CERS5: variants seen among roughly 807,000 people sequenced by gnomAD.
CERS5 encodes the protein LAG1 homolog, ceramide synthase 5.
Under a neutral mutation model 58.9 loss-of-function variants are expected in CERS5, and 37 were observed. That is an observed-to-expected ratio of 0.63 (90% CI 0.48 to 0.83). CERS5 has a LOEUF of 0.83. CERS5 is among the 40% of genes least tolerant of loss of function. The probability of loss-of-function intolerance (pLI) is 0.00; values close to 1 mark genes in which losing one functional copy is unlikely to be tolerated. For synonymous variants in CERS5, 147 were observed against 177.8 expected, an observed-to-expected ratio of 0.83 and a Z score of 1.38; for missense variants, 398 against 489.3, an observed-to-expected ratio of 0.81 and a Z score of 1.76.
At chr12:50,135,159 AGAGAGG>A (rs1453332174) in intron 8 of CERS5, among the ~76,000 whole-genome samples, 1 of 36,240 alleles carries the variant, frequency 2.8e-5, no homozygotes, top group African/African-American at 1.2e-4. Context: ...AGGGAGGGAG[AGAGAGG>A]GGAGGGAGGG....
At chr12:50,150,254 C>T (rs923966622) in intron 1 of CERS5, among the ~76,000 whole-genome samples, 9 of 152,104 alleles carry the variant, frequency 5.9e-5, no homozygotes, top group African/African-American at 1.7e-4. Context: ...CCAGCTACTG[C>T]GGAGGCTGAG....
At position 50,134,013 on chromosome 12, in the gene CERS5, G is replaced by A. The variant is rs191753067; in HGVS notation, c.1029+533C>T. The A allele has an allele frequency of 5.3e-5, 8 of 149,988 alleles. No homozygotes were observed. The Admixed American group carries it at 5.4e-4, about 10-fold the overall frequency. 9.3% of individuals were successfully genotyped at this position (149,988 alleles called of 1,614,324 possible). On this transcript the variant is annotated intron_variant, in intron 9 of 9. Coordinates refer to ENST00000317551, the MANE Select transcript of CERS5 (RefSeq NM_147190.5). ...CTTGAACCCAGGAGGTGGAGGTTGT[G>A]GTGAGCCAAGATCGTGACATTGCAC...
chr12:50,142,593 G>T (rs183723109), intron 3 of CERS5, among the ~76,000 whole-genome samples: 168 of 149,722 alleles, frequency 1.1e-3, no homozygotes, highest in Non-Finnish European at 5.0e-4. Context: ...CTTTCATTAG[G>T]AAAATATTAG....
At chr12:50,147,451 C>T (rs2138138586) in intron 1 of CERS5, 1 of 150,408 alleles carries the variant, frequency 6.6e-6, no homozygotes, top group African/African-American at 2.4e-5. Flanking sequence ...TGGTCAATTT[C>T]CAGAGCCTGG....
intron 9 of CERS5, 88 bp downstream of exon 9, chr12:50,134,458 G>A: frequency 2.5e-6 from 4 of 1,610,698 alleles, no homozygotes; most frequent in Non-Finnish European, 2.5e-6. Context: ...GAGTAGATGG[G>A]GCTCACCAGG....
chr12:50,155,873 C>T (rs1938533747), intron 1 of CERS5, among the ~76,000 whole-genome samples: 2 of 150,114 alleles, frequency 1.3e-5, no homozygotes, highest in Non-Finnish European at 3.0e-5. Context: ...GAGGCCAAGG[C>T]GGGTGGATCA....
intron 1 of CERS5, chr12:50,165,892 T>TATA: frequency 2.2e-6 from 1 of 451,964 alleles, no homozygotes; most frequent in Non-Finnish European, 4.4e-6. Context: ...CACCCACAGG[T>TATA]ATAAATTCAC....
chr12:50,138,073 ACAAT>A (rs933730823), intron 5 of CERS5, among the ~76,000 whole-genome samples: 6 of 152,212 alleles, frequency 3.9e-5, no homozygotes, highest in Non-Finnish European at 8.8e-5. Context: ...ATACTGTAAC[ACAAT>A]CAAATCAGTA....
At chr12:50,162,754 C>T (rs977040864) in intron 1 of CERS5, among the ~76,000 whole-genome samples, 1 of 152,058 alleles carries the variant, frequency 6.6e-6, no homozygotes, top group Non-Finnish European at 1.5e-5. Flanking sequence ...TAGGCACATG[C>T]CATCACGCCC....
At chr12:50,145,988 A>C (rs1952248907) in intron 1 of CERS5, among the ~76,000 whole-genome samples, 4 of 152,202 alleles carry the variant, frequency 2.6e-5, no homozygotes, top group Admixed American at 2.6e-4. Flanking sequence ...AGAGATAAAA[A>C]TCATCTAAAA....
At position 50,161,784 on chromosome 12, in the gene CERS5, GAAAA is replaced by G. The variant is rs374177550; in HGVS notation, c.197+5313_197+5316del. Among the ~76,000 whole-genome samples the G allele has an allele frequency of 2.2e-5, 2 of 90,862 alleles. 1 individual carries two copies. Among genetic ancestry groups the G allele is most frequent in the African/African-American group, 9.2e-5 (2 of 21,652 alleles). 59.6% of individuals were successfully genotyped at this position (90,862 alleles called of 152,430 possible). A position where few individuals can be genotyped will look rare whatever the true frequency, so the allele number is the denominator to read the frequency against. ...AGAGTGAGACTCCGTCTCAAAAAAA[GAAAA>G]AAAAAAAAAAAAGCAAAGTTCAAGT... On this transcript the variant is annotated intron_variant, in intron 1 of 9. Coordinates refer to ENST00000317551, the MANE Select transcript of CERS5 (RefSeq NM_147190.5).
At chr12:50,139,093 C>T (rs554918300) in intron 4 of CERS5, among the ~76,000 whole-genome samples, 3 of 152,260 alleles carry the variant, frequency 2.0e-5, no homozygotes, top group African/African-American at 4.8e-5. Flanking sequence ...GTAGTGATAA[C>T]CCTTTCCATA....
At chr12:50,166,110 G>C (rs964486888) in intron 1 of CERS5, 4 of 309,252 alleles carry the variant, frequency 1.3e-5, no homozygotes, top group Non-Finnish European at 2.6e-5. Context: ...ATCACTTGAG[G>C]TCAGGAGTTA....
At chr12:50,142,404 G>C (rs1414090865) in intron 3 of CERS5, among the ~76,000 whole-genome samples, 1 of 152,106 alleles carries the variant, frequency 6.6e-6, no homozygotes. Flanking sequence ...ACAAAAATTA[G>C]CTGGGCATGG....
intron 1 of CERS5, among the ~76,000 whole-genome samples, chr12:50,160,092 G>A (rs1939103971): frequency 6.6e-6 from 1 of 151,518 alleles, no homozygotes; most frequent in Non-Finnish European, 1.5e-5. Flanking sequence ...ATCACCTGAG[G>A]TCAGGAGTTC....
At position 50,135,917 on chromosome 12, in the gene CERS5, GAGAA is replaced by G. The variant is rs774771944; in HGVS notation, c.765+20_765+23del. The G allele has an allele frequency of 4.1e-5, 64 of 1,563,690 alleles. 1 individual carries two copies. In the South Asian group the frequency reaches 6.2e-4, roughly 15 times the overall value. ...AAGAAAAGAAGAGAAGAAGAAGATG[GAGAA>G]AGAGAGATTGGGTTTTTACCTCCAG... On this transcript the variant is annotated intron_variant, in intron 7 of 9. Coordinates refer to ENST00000317551, the MANE Select transcript of CERS5 (RefSeq NM_147190.5).
chr12:50,143,070 T>A lies in CERS5; in HGVS notation c.434+4A>T, dbSNP rs1592368568. 1 of 1,602,928 alleles carries A rather than the reference T, an allele frequency of 6.2e-7. No homozygotes were observed. Among genetic ancestry groups the A allele is most frequent in the East Asian group, 2.2e-5 (1 of 44,658 alleles). On this transcript the variant is annotated splice_donor_region_variant and intron_variant, in intron 3 of 9. Coordinates refer to ENST00000317551, the MANE Select transcript of CERS5 (RefSeq NM_147190.5). ...ATTCCCTCCCTCCCTCCTTGCGTAC[T>A]TACATGCTTTCACAGAATTTAGTAA... is the stretch of plus-strand genomic sequence containing the variant.
At chr12:50,138,364 C>T (rs1223446128) in intron 5 of CERS5, among the ~76,000 whole-genome samples, 1 of 150,784 alleles carries the variant, frequency 6.6e-6, no homozygotes, top group Non-Finnish European at 1.5e-5. Context: ...CTATGGGGGC[C>T]TCAGGAATAG....
At chr12:50,142,192 T>C in intron 3 of CERS5, 82 bp from the exon 4 acceptor site, 2 of 898,946 alleles carry the variant, frequency 2.2e-6, no homozygotes, top group Middle Eastern at 4.4e-4. Flanking sequence ...GATAGCAAAT[T>C]TGGGGATAAG....
Sources: allele counts gnomAD v4.1 joint callset (sites outside exome capture counted in the v4.1 genomes callset), GRCh38; gene constraint gnomAD v4.1.1; transcripts MANE v1.5; gene names NCBI Gene and HGNC (gene_info 2026-07-23, HGNC 2026-07-21).